Variants in CDH8 observed in about 807,000 individuals in gnomAD.
CDH8 encodes cadherin 8.
CDH8 carries 17 observed loss-of-function variants against 68.1 expected under a neutral mutation model. The observed-to-expected ratio is 0.25, with a 90% CI of 0.17 to 0.37. The LOEUF (loss-of-function observed/expected upper bound fraction) is 0.37. Ranked by LOEUF, CDH8 falls within the 10% of genes least tolerant of loss-of-function variation. CDH8 has a pLI of 1.00. For missense variants in CDH8, 763 were observed against 999.3 expected (o/e 0.76, Z 3.19); for synonymous variants, 372 against 365.1 (o/e 1.02, Z -0.21).
At chr16:61,929,076 T>C (rs1964500438) in intron 2 of CDH8, among the ~76,000 whole-genome samples, 2 of 152,004 alleles carry the variant, frequency 1.3e-5, no homozygotes, top group Non-Finnish European at 2.9e-5. Context: ...GCCCAGCTAA[T>C]TTTTTTGTAT....
At chr16:61,705,130 C>T (rs1403955570) in intron 10 of CDH8, among the ~76,000 whole-genome samples, 1 of 152,182 alleles carries the variant, frequency 6.6e-6, no homozygotes, top group Non-Finnish European at 1.5e-5. Context: ...TACTATCTTC[C>T]TCAACAAAGT....
chr16:61,887,935 C>T (rs1442657955), intron 3 of CDH8, among the ~76,000 whole-genome samples: 2 of 152,134 alleles, frequency 1.3e-5, no homozygotes, highest in South Asian at 2.1e-4. Context: ...ACTGTATCTG[C>T]TGTGGCTTCA....
rs749826007 is a variant in CDH8 at position 61,714,231 on chromosome 16, A to AAATATC, written c.1537-279_1537-274dup. 301 of 369,600 alleles carry AAATATC rather than the reference A, an allele frequency of 8.1e-4. 4 individuals carry two copies. Among genetic ancestry groups the AAATATC allele is most frequent in the Middle Eastern group, 4.0e-3 (5 of 1,248 alleles). The allele number at this position is 369,600 out of a possible 1,614,324, so 22.9% of individuals were successfully genotyped here. A position where few individuals can be genotyped will look rare whatever the true frequency, so the allele number is the denominator to read the frequency against. On this transcript the variant is annotated intron_variant, in intron 9 of 11. Coordinates refer to ENST00000577390, the MANE Select transcript of CDH8 (RefSeq NM_001796.5). Reference sequence around the variant, plus strand: ...GAAATAGCAAAGTTAAGTGTATTTGAAATATCCACTGGGCAATTACAGGTT... The same window carrying AAATATC: ...GAAATAGCAAAGTTAAGTGTATTTGAAATATCAATATCCACTGGGCAATTACAGGTT...
intron 3 of CDH8, among the ~76,000 whole-genome samples, chr16:61,871,211 T>A (rs1597031572): frequency 6.6e-6 from 1 of 151,958 alleles, no homozygotes; most frequent in East Asian, 1.9e-4. Flanking sequence ...AGACAGGATC[T>A]CACTCTGTTA....
intron 10 of CDH8, among the ~76,000 whole-genome samples, chr16:61,666,726 G>T (rs183611428): frequency 1.8e-4 from 28 of 151,956 alleles, no homozygotes; most frequent in Non-Finnish European, 2.2e-4. Flanking sequence ...TGATAAGAAG[G>T]TCAAAACAAA....
intron 7 of CDH8, 122 bp downstream of exon 7, chr16:61,817,357 A>G (rs193015278): frequency 1.1e-6 from 1 of 898,126 alleles, no homozygotes. Context: ...GTGCCAACCA[A>G]CATTATTTGG....
intron 9 of CDH8, among the ~76,000 whole-genome samples, chr16:61,718,920 AAG>A (rs1432713716): frequency 2.6e-5 from 4 of 151,272 alleles, no homozygotes; most frequent in Non-Finnish European, 5.9e-5. Flanking sequence ...GATTAATTGA[AAG>A]GGGGGAATAT....
At position 61,664,372 on chromosome 16, in the gene CDH8, G is replaced by C. The variant is rs78096526; in HGVS notation, c.1655-8651C>G. Among the ~76,000 whole-genome samples, 483 of 151,894 alleles carry C rather than the reference G, an allele frequency of 3.2e-3. 2 individuals carry two copies. Among genetic ancestry groups the C allele is most frequent in the African/African-American group, 0.011 (469 of 41,426 alleles). ...TACAGAAATAAACTCAGAAACTTCC[G>C]AGTAACAAATAACCAATTGCAGATG... On this transcript the variant is annotated intron_variant, in intron 10 of 11. Transcript: ENST00000577390.
At chr16:61,673,651 T>G (rs1963840097) in intron 10 of CDH8, among the ~76,000 whole-genome samples, 1 of 152,178 alleles carries the variant, frequency 6.6e-6, no homozygotes, top group African/African-American at 2.4e-5. Context: ...TTGTTCTTTC[T>G]TGTCCATGGA....
chr16:61,699,400 A>T (rs1374655755), intron 10 of CDH8, among the ~76,000 whole-genome samples: 1 of 152,198 alleles, frequency 6.6e-6, no homozygotes, highest in African/African-American at 2.4e-5. Flanking sequence ...TGTTAATGGT[A>T]CTTCATTTAC....
In CDH8 at chr16:62,025,544, C is replaced by T. The variant is rs181763657; in HGVS notation, c.-199-3942G>A. 2.7e-3 allele frequency among the ~76,000 whole-genome samples: 405 copies of T among 152,194 alleles called. 2 individuals are homozygous for T. The highest frequency in any genetic ancestry group is 4.4e-3 in the Non-Finnish European group (301 of 68,004). ...TGGTATAGCCCCGGGGAGAAATTAG[C>T]CCAACTCAGGGGAAACCTTTCATCC... On this transcript the variant is annotated intron_variant, in intron 1 of 11. Transcript: ENST00000577390.
intron 2 of CDH8, among the ~76,000 whole-genome samples, chr16:61,923,008 C>G (rs1201919780): frequency 6.6e-6 from 1 of 152,114 alleles, no homozygotes; most frequent in Admixed American, 6.5e-5. Flanking sequence ...TATGCTAAAA[C>G]CATTCAAATA....
intron 4 of CDH8, among the ~76,000 whole-genome samples, chr16:61,840,987 C>A (rs1255736802): frequency 6.6e-6 from 1 of 151,892 alleles, no homozygotes; most frequent in Non-Finnish European, 1.5e-5. Flanking sequence ...AAATATAAGA[C>A]ATAAATTTAA....
At chr16:61,924,318 A>G (rs1270288248) in intron 2 of CDH8, among the ~76,000 whole-genome samples, 1 of 152,048 alleles carries the variant, frequency 6.6e-6, no homozygotes, top group Non-Finnish European at 1.5e-5. Context: ...AATATACACA[A>G]CCCTTTAACA....
intron 10 of CDH8, among the ~76,000 whole-genome samples, chr16:61,674,322 T>C (rs1371798285): frequency 6.6e-6 from 1 of 151,706 alleles, no homozygotes; most frequent in Non-Finnish European, 1.5e-5. Context: ...GGCGTGGTGG[T>C]GAGTGCCTGT....
chr16:61,938,675 C>A (rs1306151494), intron 2 of CDH8, among the ~76,000 whole-genome samples: 3 of 152,012 alleles, frequency 2.0e-5, no homozygotes, highest in African/African-American at 7.2e-5. Flanking sequence ...GAGAAAAATC[C>A]CTCAAATTTG....
Position 61,843,653 on chromosome 16 carries a change from TTTTG to T in CDH8, c.667+13462_667+13465del, listed in dbSNP as rs375571335. On this transcript the variant is annotated intron_variant, in intron 4 of 11. Coordinates refer to ENST00000577390, the MANE Select transcript of CDH8 (RefSeq NM_001796.5). Reference sequence around the variant, plus strand: ...AACAGTGACCACTCAGAGGCTTAGCTTTTGTTTGTTTGTTTGTTTGTTTTTTAAA... The same window carrying T: ...AACAGTGACCACTCAGAGGCTTAGCTTTTGTTTGTTTGTTTGTTTTTTAAA... 6.7e-4 allele frequency among the ~76,000 whole-genome samples: 102 copies of T among 152,276 alleles called. 1 individual carries two copies. Among genetic ancestry groups the T allele is most frequent in the African/African-American group, 1.3e-3 (53 of 41,554 alleles).
intron 10 of CDH8, among the ~76,000 whole-genome samples, chr16:61,706,217 G>A (rs1407876844): frequency 6.6e-6 from 1 of 152,198 alleles, no homozygotes; most frequent in Non-Finnish European, 1.5e-5. Flanking sequence ...CCATAGATAA[G>A]GGAAGCCAAT....
At chr16:61,668,053 G>C (rs756259579) in intron 10 of CDH8, among the ~76,000 whole-genome samples, 4 of 151,856 alleles carry the variant, frequency 2.6e-5, no homozygotes, top group Non-Finnish European at 5.9e-5. Context: ...CTTTATTAGA[G>C]ACAACAAAAA....
Sources: gnomAD v4.1 joint callset for allele counts (sites outside exome capture counted in the v4.1 genomes callset) on GRCh38, gnomAD v4.1.1 for gene constraint, MANE v1.5 for transcripts, NCBI Gene and HGNC (gene_info 2026-07-23, HGNC 2026-07-21) for gene names.